NCAM2: variants seen among roughly 807,000 people sequenced by gnomAD.
NCAM2 encodes the protein neural cell adhesion molecule 2.
A neutral mutation model predicts 98.1 loss-of-function variants in NCAM2; 30 were observed. The observed-to-expected ratio is 0.31, with a 90% CI of 0.23 to 0.41. The LOEUF (loss-of-function observed/expected upper bound fraction) is 0.41, where lower values mean the gene tolerates loss of function less well. Ranked by LOEUF, NCAM2 falls within the 10% of genes least tolerant of loss-of-function variation. NCAM2 has a pLI of 1.00. For synonymous variants in NCAM2, 368 were observed against 342.4 expected (o/e 1.07, Z -0.83); for missense variants, 867 against 1,005.8 (o/e 0.86, Z 1.87).
chr21:21,053,412 C>G (rs890750346), intron 1 of NCAM2, among the ~76,000 whole-genome samples: 3 of 151,828 alleles, frequency 2.0e-5, no homozygotes, highest in Admixed American at 2.0e-4. Flanking sequence ...ATGAAACTAA[C>G]CTGTGAAGCA....
At chr21:21,177,575 A>G (rs1011897503) in intron 1 of NCAM2, among the ~76,000 whole-genome samples, 8 of 152,104 alleles carry the variant, frequency 5.3e-5, no homozygotes, top group Non-Finnish European at 1.2e-4. Flanking sequence ...TCACATATAT[A>G]TATTTAAAGT....
intron 1 of NCAM2, among the ~76,000 whole-genome samples, chr21:21,072,310 A>G (rs971338657): frequency 6.6e-6 from 1 of 152,170 alleles, no homozygotes; most frequent in Non-Finnish European, 1.5e-5. Flanking sequence ...TCTCAGTAAT[A>G]TATTGTAAGG....
chr21:21,182,043 A>T (rs76921767), intron 1 of NCAM2, among the ~76,000 whole-genome samples: 90 of 151,252 alleles, frequency 6.0e-4, no homozygotes, highest in African/African-American at 2.2e-3. Flanking sequence ...AAAAAAAAAA[A>T]ACAAATAAAA....
intron 16 of NCAM2, among the ~76,000 whole-genome samples, chr21:21,533,495 G>A (rs1989821972): frequency 6.6e-6 from 1 of 151,716 alleles, no homozygotes; most frequent in East Asian, 1.9e-4. Context: ...TTTTACCGAT[G>A]GACCACAGCT....
chr21:21,167,409 A>G (rs915872892), intron 1 of NCAM2, among the ~76,000 whole-genome samples: 7 of 152,042 alleles, frequency 4.6e-5, no homozygotes, highest in African/African-American at 1.7e-4. Flanking sequence ...ATTTTTCTTA[A>G]AATTTTATAA....
In NCAM2 at chr21:21,307,857, T is replaced by C. The variant is rs2073932473; in HGVS notation, c.619+15616T>C. Among the ~76,000 whole-genome samples the C allele has an allele frequency of 2.0e-5, 3 of 152,112 alleles. 1 individual carries two copies. In the South Asian group the frequency reaches 6.2e-4, roughly 31 times the overall value. ...ACAGCTGAAGAGAAATCTCTGCTTT[T>C]AATATCAGATGAAAAGGGGATCATG... On this transcript the variant is annotated intron_variant, in intron 5 of 17. Coordinates refer to ENST00000400546, the MANE Select transcript of NCAM2 (RefSeq NM_004540.5).
intron 1 of NCAM2, among the ~76,000 whole-genome samples, chr21:21,090,962 A>C (rs2066000979): frequency 6.6e-6 from 1 of 152,174 alleles, no homozygotes; most frequent in Non-Finnish European, 1.5e-5. Context: ...TTTTCTTCAG[A>C]GCATTCACTA....
chr21:21,347,673 T>C (rs1034448705), intron 8 of NCAM2, among the ~76,000 whole-genome samples: 1 of 151,960 alleles, frequency 6.6e-6, no homozygotes, highest in Non-Finnish European at 1.5e-5. Context: ...ATTACTTTGA[T>C]ACCTAAAACA....
chr21:21,307,092 T>G (rs2073904267), intron 5 of NCAM2, among the ~76,000 whole-genome samples: 1 of 152,098 alleles, frequency 6.6e-6, no homozygotes, highest in African/African-American at 2.4e-5. Flanking sequence ...TCTGACAGTC[T>G]CTACCTTTGA....
At chr21:21,455,216 A>AAG (rs1414417988) in intron 12 of NCAM2, among the ~76,000 whole-genome samples, 1 of 150,490 alleles carries the variant, frequency 6.6e-6, no homozygotes, top group Non-Finnish European at 1.5e-5. Context: ...TTGGCAAAAA[A>AAG]AAAAAAAAAA....
intron 1 of NCAM2, among the ~76,000 whole-genome samples, chr21:21,079,390 A>T (rs2065745976): frequency 6.6e-6 from 1 of 152,200 alleles, no homozygotes; most frequent in African/African-American, 2.4e-5. Flanking sequence ...AGAAATGTCA[A>T]AGATGAAAAC....
At chr21:21,357,221 A>G (rs1359307060) in intron 8 of NCAM2, among the ~76,000 whole-genome samples, 1 of 152,124 alleles carries the variant, frequency 6.6e-6, no homozygotes, top group Non-Finnish European at 1.5e-5. Flanking sequence ...ACACTTACAC[A>G]GGCCCGTTCA....
rs71193401 is a variant in NCAM2 at position 21,123,848 on chromosome 21, C to CTTTTTTTTTTTTTTTT, written c.55+125232_55+125247dup. On this transcript the variant is annotated intron_variant, in intron 1 of 17. Coordinates refer to ENST00000400546, the MANE Select transcript of NCAM2 (RefSeq NM_004540.5). ...GCACATTTGAATTCATTCTTGATTG[C>CTTTTTTTTTTTTTTTT]TTTTTTTTTTTTTTTTTGAGACGGA... Among the ~76,000 whole-genome samples, 111 of 86,662 alleles carry CTTTTTTTTTTTTTTTT rather than the reference C, an allele frequency of 1.3e-3. 14 individuals are homozygous for CTTTTTTTTTTTTTTTT. Among genetic ancestry groups the CTTTTTTTTTTTTTTTT allele is most frequent in the African/African-American group, 1.6e-3 (35 of 21,882 alleles). 56.9% of individuals were successfully genotyped at this position (86,662 alleles called of 152,430 possible). A position where few individuals can be genotyped will look rare whatever the true frequency, so the allele number is the denominator to read the frequency against.
chr21:21,116,539 G>A lies in NCAM2; in HGVS notation c.55+117921G>A, dbSNP rs1012393627. 1.1e-4 allele frequency among the ~76,000 whole-genome samples: 17 copies of A among 152,234 alleles called. No homozygotes were observed. The East Asian group carries it at 2.9e-3, about 26-fold the overall frequency. ...TCTTAACACCTGCTTGGTCCATTTA[G>A]CATAGTAGGTACTCAAGAAATACTC... is the stretch of plus-strand genomic sequence containing the variant. On this transcript the variant is annotated intron_variant, in intron 1 of 17. Transcript: ENST00000400546.
intron 1 of NCAM2, among the ~76,000 whole-genome samples, chr21:21,221,312 A>C (rs548273482): frequency 1.4e-4 from 22 of 152,252 alleles, no homozygotes; most frequent in African/African-American, 5.1e-4. Flanking sequence ...TGAAGGAAAG[A>C]GTCAAACAGG....
At chr21:21,206,939 A>G (rs1162251908) in intron 1 of NCAM2, among the ~76,000 whole-genome samples, 1 of 152,120 alleles carries the variant, frequency 6.6e-6, no homozygotes, top group Non-Finnish European at 1.5e-5. Flanking sequence ...TAATTTGCCC[A>G]TGGGTGAAGA....
chr21:21,326,301 C>T (rs1418334483), intron 6 of NCAM2, among the ~76,000 whole-genome samples: 1 of 152,124 alleles, frequency 6.6e-6, no homozygotes, highest in Non-Finnish European at 1.5e-5. Context: ...TCAGATTCCC[C>T]ACCTATTTAT....
At chr21:21,103,596 G>GA (rs989709963) in intron 1 of NCAM2, among the ~76,000 whole-genome samples, 2 of 151,906 alleles carry the variant, frequency 1.3e-5, no homozygotes, top group Non-Finnish European at 2.9e-5. Flanking sequence ...GCTATCGAGG[G>GA]AAAAAAATCC....
intron 12 of NCAM2, among the ~76,000 whole-genome samples, chr21:21,448,410 G>A (rs908645571): frequency 6.6e-6 from 1 of 151,954 alleles, no homozygotes; most frequent in African/African-American, 2.4e-5. Context: ...GGGGCAAAAG[G>A]AGGGAACTTA....
Sources: allele counts gnomAD v4.1 joint callset (sites outside exome capture counted in the v4.1 genomes callset), GRCh38; gene constraint gnomAD v4.1.1; transcripts MANE v1.5; gene names NCBI Gene and HGNC (gene_info 2026-07-23, HGNC 2026-07-21).